The following SPOCK3 variants were observed in gnomAD, a reference collection of about 807,000 sequenced individuals.
SPOCK3 encodes the protein testican-3.
SPOCK3 carries 30 observed loss-of-function variants against 56.6 expected under a neutral mutation model. That is an observed-to-expected ratio of 0.53 (90% CI 0.40 to 0.72). The LOEUF (loss-of-function observed/expected upper bound fraction) is 0.72, where lower values mean the gene tolerates loss of function less well. Ranked by LOEUF, SPOCK3 falls within the 30% of genes least tolerant of loss-of-function variation. The pLI is 0.00. For missense variants in SPOCK3, 527 were observed against 530.0 expected (o/e 0.99, Z 0.06); for synonymous variants, 196 against 183.3 (o/e 1.07, Z -0.56).
At chr4:167,078,068 CAAAATGTTA>C (rs1269827266) in intron 2 of SPOCK3, among the ~76,000 whole-genome samples, 2 of 151,750 alleles carry the variant, frequency 1.3e-5, no homozygotes, top group Non-Finnish European at 2.9e-5. Flanking sequence ...CGTATTAATA[CAAAATGTTA>C]AACCTTCCTT....
intron 6 of SPOCK3, among the ~76,000 whole-genome samples, chr4:166,806,431 T>C (rs1050658545): frequency 6.6e-6 from 1 of 152,088 alleles, no homozygotes; most frequent in Admixed American, 6.5e-5. Context: ...TAACCTACAA[T>C]TGATGCTTCT....
At chr4:167,008,049 T>G (rs1429960277) in intron 3 of SPOCK3, among the ~76,000 whole-genome samples, 1 of 152,118 alleles carries the variant, frequency 6.6e-6, no homozygotes, top group African/African-American at 2.4e-5. Flanking sequence ...TTCATGCAAA[T>G]TGGTAAGGCT....
chr4:166,845,496 A>G (rs1029304443), intron 6 of SPOCK3, among the ~76,000 whole-genome samples: 8 of 151,930 alleles, frequency 5.3e-5, no homozygotes, highest in African/African-American at 1.5e-4. Flanking sequence ...CATATTTCAG[A>G]AAAAAAATAC....
chr4:166,839,607 C>T (rs746816650), intron 6 of SPOCK3, among the ~76,000 whole-genome samples: 9 of 152,062 alleles, frequency 5.9e-5, no homozygotes, highest in South Asian at 2.1e-4. Context: ...CAGCACATCA[C>T]GGAGAACGAA....
chr4:167,218,076 C>T (rs1580661521), intron 2 of SPOCK3, among the ~76,000 whole-genome samples: 1 of 152,032 alleles, frequency 6.6e-6, no homozygotes, highest in Admixed American at 6.6e-5. Context: ...TCCTAAATCA[C>T]GCAACTACCT....
intron 2 of SPOCK3, among the ~76,000 whole-genome samples, chr4:167,156,058 ATAAACT>A (rs1396440840): frequency 1.3e-5 from 2 of 152,176 alleles, no homozygotes; most frequent in Admixed American, 1.3e-4. Context: ...AACAAAACAG[ATAAACT>A]TTAACAATAT....
At position 166,864,595 on chromosome 4, in the gene SPOCK3, G is replaced by A. The variant is rs550860475; in HGVS notation, c.589+24535C>T. ...AATAGACACAATAAAAATGATAAAG[G>A]GGAGATCACCACTGATCCCACAGAA... On this transcript the variant is annotated intron_variant, in intron 6 of 10. Transcript: ENST00000357545. Among the ~76,000 whole-genome samples the A allele has an allele frequency of 7.8e-4, 118 of 151,962 alleles. 1 individual carries two copies. Among genetic ancestry groups the A allele is most frequent in the African/African-American group, 2.8e-3 (115 of 41,438 alleles).
intron 4 of SPOCK3, among the ~76,000 whole-genome samples, chr4:166,932,375 A>G (rs745440184): frequency 1.1e-4 from 17 of 152,200 alleles, no homozygotes; most frequent in Non-Finnish European, 1.8e-4. Flanking sequence ...GTGGTCAGAT[A>G]TCCTTCACAT....
At chr4:166,822,901 A>AT (rs1745076301) in intron 6 of SPOCK3, among the ~76,000 whole-genome samples, 1 of 152,040 alleles carries the variant, frequency 6.6e-6, no homozygotes, top group South Asian at 2.1e-4. Flanking sequence ...AGAAGCTCAC[A>AT]TTTTTTCTTT....
intron 8 of SPOCK3, among the ~76,000 whole-genome samples, chr4:166,753,199 A>T (rs1736650021): frequency 6.6e-6 from 1 of 152,042 alleles, no homozygotes; most frequent in African/African-American, 2.4e-5. Flanking sequence ...ACCAAAAAAT[A>T]AAAATAAAAA....
chr4:166,791,769 T>C (rs909425591), intron 7 of SPOCK3, among the ~76,000 whole-genome samples: 3 of 152,156 alleles, frequency 2.0e-5, no homozygotes, highest in African/African-American at 7.2e-5. Context: ...AGGGTCAAAA[T>C]AGAGACACCA....
intron 2 of SPOCK3, among the ~76,000 whole-genome samples, chr4:167,163,831 T>C (rs1765527739): frequency 6.6e-6 from 1 of 152,136 alleles, no homozygotes; most frequent in East Asian, 1.9e-4. Flanking sequence ...CAAGTTAGTA[T>C]GATCCAGAAA....
rs539668177 is a variant in SPOCK3, at chr4:167,089,144, T to C, written c.190-26607A>G. Reference sequence around the variant, plus strand: ...AATAAAGATTAAAAATAAGTTTATATATATGTGTGTGTACATATATATATA... The same window carrying C: ...AATAAAGATTAAAAATAAGTTTATACATATGTGTGTGTACATATATATATA... On this transcript the variant is annotated intron_variant, in intron 2 of 10. Coordinates refer to ENST00000357545, the MANE Select transcript of SPOCK3 (RefSeq NM_001040159.2). Among the ~76,000 whole-genome samples the C allele has an allele frequency of 2.0e-5, 3 of 152,252 alleles. No individual in the cohort carries two copies. The East Asian group carries it at 5.8e-4, about 29-fold the overall frequency.
intron 6 of SPOCK3, among the ~76,000 whole-genome samples, chr4:166,835,235 T>A (rs901863147): frequency 4.6e-5 from 7 of 152,158 alleles, no homozygotes; most frequent in African/African-American, 1.7e-4. Flanking sequence ...CTGAGATTAT[T>A]TCTTCCTACA....
chr4:167,205,298 TAATA>T (rs1270991045), intron 2 of SPOCK3, among the ~76,000 whole-genome samples: 1 of 41,908 alleles, frequency 2.4e-5, no homozygotes, highest in Non-Finnish European at 4.3e-5. Flanking sequence ...TTTATATCTA[TAATA>T]TATATTATAT....
chr4:167,174,311 G>T (rs950415120), intron 2 of SPOCK3, among the ~76,000 whole-genome samples: 1 of 151,282 alleles, frequency 6.6e-6, no homozygotes, highest in Non-Finnish European at 1.5e-5. Flanking sequence ...AAATATATAC[G>T]ATTTAAAAAT....
At chr4:167,215,125 C>T (rs1335230829) in intron 2 of SPOCK3, among the ~76,000 whole-genome samples, 1 of 151,848 alleles carries the variant, frequency 6.6e-6, no homozygotes, top group Non-Finnish European at 1.5e-5. Flanking sequence ...TGAATATGTG[C>T]TCCGTAACTA....
intron 4 of SPOCK3, among the ~76,000 whole-genome samples, chr4:166,989,772 G>T (rs1037217665): frequency 1.3e-5 from 2 of 152,126 alleles, no homozygotes; most frequent in African/African-American, 4.8e-5. Context: ...TCAGGATAAT[G>T]ATAGCTACTC....
intron 3 of SPOCK3, among the ~76,000 whole-genome samples, chr4:167,055,922 C>T (rs1380194174): frequency 3.9e-5 from 6 of 152,186 alleles, no homozygotes; most frequent in Non-Finnish European, 5.9e-5. Flanking sequence ...ACTTAAATGT[C>T]CCTGTCTGAC....
Sources: gnomAD v4.1 joint callset for allele counts (sites outside exome capture counted in the v4.1 genomes callset) on GRCh38, gnomAD v4.1.1 for gene constraint, MANE v1.5 for transcripts, NCBI Gene and HGNC (gene_info 2026-07-23, HGNC 2026-07-21) for gene names.